ACTR3: variants seen among roughly 807,000 people sequenced by gnomAD.
ACTR3 encodes the protein actin related protein 3, also known as actin-related protein 3.
A neutral mutation model predicts 56.8 loss-of-function variants in ACTR3; 12 were observed. That is an observed-to-expected ratio of 0.21 (90% CI 0.14 to 0.34). The LOEUF (loss-of-function observed/expected upper bound fraction) is 0.34, where lower values mean the gene tolerates loss of function less well. Among genes scored for constraint, ACTR3 ranks in the 10% least tolerant of loss-of-function variants. The pLI, the probability that ACTR3 is intolerant of heterozygous loss-of-function variation, is 1.00. For synonymous variants in ACTR3, 162 were observed against 167.4 expected (o/e 0.97, Z 0.25); for missense variants, 282 against 512.5 (o/e 0.55, Z 4.34).
At chr2:113,899,294 C>A (rs1009612575) in intron 1 of ACTR3, among the ~76,000 whole-genome samples, 5 of 152,134 alleles carry the variant, frequency 3.3e-5, no homozygotes, top group African/African-American at 1.2e-4. Context: ...AATGAATAAT[C>A]TCCACTGATG....
At position 113,939,993 on chromosome 2, in the gene ACTR3, A is replaced by T; in HGVS notation, c.575A>T (p.His192Leu). The T allele has an allele frequency of 6.2e-7, 1 of 1,613,166 alleles. No individual in the cohort carries two copies. Among genetic ancestry groups the T allele is most frequent in the Non-Finnish European group, 8.5e-7 (1 of 1,179,424 alleles). The change falls in exon 7 of 12, where the codon CAC (histidine) becomes CTC (leucine). Residue 192 changes from histidine to leucine, a missense_variant. Coordinates refer to ENST00000263238, the MANE Select transcript of ACTR3 (RefSeq NM_005721.5). Reference protein sequence around the residue: ...EGYVIGSCIKHIPIAGRDITY... With the variant: ...EGYVIGSCIKLIPIAGRDITY... ...TATGTGATTGGCAGCTGTATTAAAC[A>T]CATTCCAATCGCAGGACGAGATATA...
chr2:113,936,374 C>T (rs1295606866), intron 6 of ACTR3, among the ~76,000 whole-genome samples: 1 of 146,642 alleles, frequency 6.8e-6, no homozygotes, highest in Non-Finnish European at 1.5e-5. Context: ...TTCCCGCCTT[C>T]TTTAGAATTA....
At position 113,890,321 on chromosome 2, in the gene ACTR3, G is replaced by C; in HGVS notation, c.42G>C (p.Thr14=). 1.3e-6 allele frequency: 2 copies of C among 1,538,592 alleles called. No homozygotes were observed. The highest frequency in any genetic ancestry group is 1.8e-6 in the Non-Finnish European group (2 of 1,138,946). ...RLPACVVDCG[T]GYTKLGYAGN... ...CGGCCTGTGTGGTGGACTGTGGCAC[G>C]GGGTAAGGGGGCTTACGGGCGGGGG... The change falls in exon 1 of 12, where the codon ACG becomes ACC. Residue 14 remains threonine, a splice_region_variant and synonymous_variant. Transcript: ENST00000263238.
intron 4 of ACTR3, among the ~76,000 whole-genome samples, chr2:113,928,763 G>GA (rs1679663685): frequency 2.0e-5 from 3 of 151,992 alleles, no homozygotes; most frequent in Non-Finnish European, 4.4e-5. Flanking sequence ...TGCATGATGT[G>GA]ATTTGTCCAA....
chr2:113,942,837 T>C (rs1370737545), intron 8 of ACTR3, among the ~76,000 whole-genome samples: 2 of 152,212 alleles, frequency 1.3e-5, no homozygotes, highest in Non-Finnish European at 2.9e-5. Context: ...ATAAAGGCTT[T>C]ATTAAATTAA....
Position 113,959,825 on chromosome 2 carries a change from T to C in ACTR3, c.*2370T>C, listed in dbSNP as rs1270173068. The C allele has an allele frequency of 6.6e-6, 1 of 152,082 alleles. No homozygotes were observed. The allele number at this position is 152,082 out of a possible 1,614,324, so 9.4% of individuals were successfully genotyped here. On this transcript the variant is annotated 3_prime_UTR_variant, in exon 12 of 12. Transcript: ENST00000263238. The stretch of plus-strand genomic sequence containing the variant: ...TAGCAAAAGCACTAACTGAAGCCAG[T>C]GATTTAATTTTTAATTCTGATTCTG...
At chr2:113,894,562 T>G (rs1034936035) in intron 1 of ACTR3, among the ~76,000 whole-genome samples, 2 of 152,220 alleles carry the variant, frequency 1.3e-5, no homozygotes, top group Admixed American at 6.5e-5. Flanking sequence ...TTACTTAGAC[T>G]TAGCGAAAGA....
At chr2:113,929,153 G>A (rs577640986) in intron 4 of ACTR3, among the ~76,000 whole-genome samples, 1 of 148,496 alleles carries the variant, frequency 6.7e-6, no homozygotes, top group Admixed American at 6.7e-5. Flanking sequence ...TTTTGTTTTT[G>A]TTTTTTTAAG....
rs2104638646 is a variant in ACTR3, at chr2:113,960,990, G to C, written c.*3535G>C. The C allele has an allele frequency of 6.6e-6, 1 of 152,104 alleles. No individual in the cohort carries two copies. The highest frequency in any genetic ancestry group is 1.9e-4 in the East Asian group (1 of 5,182). 9.4% of individuals were successfully genotyped at this position (152,104 alleles called of 1,614,324 possible). A position where few individuals can be genotyped will look rare whatever the true frequency, so the allele number is the denominator to read the frequency against. On this transcript the variant is annotated 3_prime_UTR_variant, in exon 12 of 12. Coordinates refer to ENST00000263238, the MANE Select transcript of ACTR3 (RefSeq NM_005721.5). ...GGAACTTTCATAGCAAATCTTGACA[G>C]TAAATACCTTGTTCTTGTATTAGGT...
At chr2:113,922,116 T>C (rs1679522527) in intron 3 of ACTR3, among the ~76,000 whole-genome samples, 1 of 152,150 alleles carries the variant, frequency 6.6e-6, no homozygotes, top group Non-Finnish European at 1.5e-5. Flanking sequence ...TAGATGAAAG[T>C]AGGCTTTTGA....
At chr2:113,904,495 T>G (rs1304288103) in intron 1 of ACTR3, 2 of 152,212 alleles carry the variant, frequency 1.3e-5, no homozygotes, top group African/African-American at 2.4e-5. Flanking sequence ...TTATTCGTTC[T>G]CTTGTTAAAC....
intron 2 of ACTR3, among the ~76,000 whole-genome samples, chr2:113,916,528 GT>G (rs1256503066): frequency 6.6e-6 from 1 of 152,026 alleles, no homozygotes; most frequent in Non-Finnish European, 1.5e-5. Flanking sequence ...GTGTTTTTCA[GT>G]TTTTTTCTTT....
rs200076180 is a variant in ACTR3, at chr2:113,916,986, A to G, written c.203A>G (p.Glu68Gly). The change falls in exon 3 of 12, where the codon GAA becomes GGA. Residue 68 changes from glutamate to glycine, a missense_variant. Glu to Gly is a moderately conservative substitution (Grantham distance 98). Transcript: ENST00000263238. ...LDFFIGDEAI[E>G]KPTYATKWPI... ...TTCTTCATTGGTGATGAAGCAATAGAAAAACCTACATATGCAACAAAGGTA... is the reference window on the plus strand; with the variant it reads ...TTCTTCATTGGTGATGAAGCAATAGGAAAACCTACATATGCAACAAAGGTA... 1.9e-6 allele frequency: 3 copies of G among 1,606,916 alleles called. No homozygotes were observed. The highest frequency in any genetic ancestry group is 1.7e-6 in the Non-Finnish European group (2 of 1,176,706).
chr2:113,913,109 A>G, intron 1 of ACTR3, 63 bp from the exon 2 acceptor site: 1 of 1,124,626 alleles, frequency 8.9e-7, no homozygotes, highest in South Asian at 1.5e-5. Flanking sequence ...ATGAAATTCT[A>G]AGAAAGAAAT....
chr2:113,947,471 G>GGA (rs1167623814), intron 8 of ACTR3, among the ~76,000 whole-genome samples: 1 of 152,164 alleles, frequency 6.6e-6, no homozygotes, highest in African/African-American at 2.4e-5. Flanking sequence ...GGGCAACATG[G>GGA]GAAGAGCCCG....
intron 2 of ACTR3, among the ~76,000 whole-genome samples, chr2:113,915,763 G>A (rs1679393962): frequency 6.6e-6 from 1 of 152,120 alleles, no homozygotes; most frequent in Admixed American, 6.5e-5. Context: ...GCCAAAATAT[G>A]AAGTCTTTGC....
chr2:113,954,635 T>TTTTTTTTTTGATGCAGCCACATC (rs1294493835), intron 10 of ACTR3: 4 of 150,184 alleles, frequency 2.7e-5, no homozygotes, highest in Non-Finnish European at 5.9e-5. Context: ...GCTCTTAGGT[T>TTTTTTTTTTGATGCAGCCACATC]TTTTTTTTTG....
chr2:113,905,964 T>C (rs1679184354), intron 1 of ACTR3, among the ~76,000 whole-genome samples: 1 of 152,216 alleles, frequency 6.6e-6, no homozygotes, highest in Admixed American at 6.5e-5. Flanking sequence ...AACATGCATG[T>C]ATAAGTACCT....
chr2:113,892,234 A>G (rs1287652398), intron 1 of ACTR3, among the ~76,000 whole-genome samples: 1 of 152,344 alleles, frequency 6.6e-6, no homozygotes, highest in East Asian at 1.9e-4. Flanking sequence ...GCAACCTTGA[A>G]TTTAAAACAT....
Sources: gnomAD v4.1 joint callset for allele counts (sites outside exome capture counted in the v4.1 genomes callset) on GRCh38, gnomAD v4.1.1 for gene constraint, MANE v1.5 for transcripts, NCBI Gene and HGNC (gene_info 2026-07-23, HGNC 2026-07-21) for gene names.